AKAP6: variants seen among roughly 807,000 people sequenced by gnomAD.
AKAP6 encodes the protein A-kinase anchor protein 6.
Under a neutral mutation model 188.5 loss-of-function variants are expected in AKAP6, and 58 were observed. That is an observed-to-expected ratio of 0.31 (90% CI 0.25 to 0.38). AKAP6 has a LOEUF of 0.38. AKAP6 is among the 10% of genes least tolerant of loss of function. The pLI is 1.00. For synonymous variants in AKAP6, 989 were observed against 998.6 expected, an observed-to-expected ratio of 0.99 and a Z score of 0.18; for missense variants, 2,710 against 2,740.0, an observed-to-expected ratio of 0.99 and a Z score of 0.24.
At chr14:32,774,920 C>T (rs181957221) in intron 12 of AKAP6, among the ~76,000 whole-genome samples, 1 of 152,276 alleles carries the variant, frequency 6.6e-6, no homozygotes, top group East Asian at 1.9e-4. Context: ...AATATCTGCT[C>T]TTTGACGTGT....
intron 1 of AKAP6, among the ~76,000 whole-genome samples, chr14:32,347,075 T>C (rs1316071439): frequency 6.6e-6 from 1 of 152,208 alleles, no homozygotes; most frequent in Non-Finnish European, 1.5e-5. Flanking sequence ...TTGTTTTAGG[T>C]GCTCTAACTA....
At chr14:32,394,751 G>A (rs1888822874) in intron 1 of AKAP6, among the ~76,000 whole-genome samples, 1 of 152,082 alleles carries the variant, frequency 6.6e-6, no homozygotes, top group African/African-American at 2.4e-5. Flanking sequence ...AAAACATGTA[G>A]TTTTACCGTG....
At chr14:32,386,269 T>C (rs1373319296) in intron 1 of AKAP6, among the ~76,000 whole-genome samples, 1 of 152,056 alleles carries the variant, frequency 6.6e-6, no homozygotes, top group Non-Finnish European at 1.5e-5. Context: ...CCAACATCTA[T>C]TATTTTTTTA....
At chr14:32,713,934 T>G (rs902855974) in intron 9 of AKAP6, among the ~76,000 whole-genome samples, 1 of 152,094 alleles carries the variant, frequency 6.6e-6, no homozygotes, top group African/African-American at 2.4e-5. Context: ...GGCCTCGTTT[T>G]CAGACTATCT....
intron 2 of AKAP6, among the ~76,000 whole-genome samples, chr14:32,488,662 AG>A (rs1879832513): frequency 9.5e-5 from 2 of 21,000 alleles, no homozygotes; most frequent in South Asian, 8.8e-3. Flanking sequence ...CGGGTGGTGT[AG>A]GCACTGGAGG....
intron 11 of AKAP6, among the ~76,000 whole-genome samples, chr14:32,744,042 G>A (rs2031787588): frequency 6.6e-6 from 1 of 152,052 alleles, no homozygotes; most frequent in South Asian, 2.1e-4. Context: ...AGATATTTTT[G>A]CCAGATATAC....
intron 12 of AKAP6, among the ~76,000 whole-genome samples, chr14:32,803,323 A>G (rs2034004634): frequency 6.6e-6 from 1 of 152,104 alleles, no homozygotes; most frequent in African/African-American, 2.4e-5. Context: ...ACAAAGAATG[A>G]AAAGCAGATA....
intron 7 of AKAP6, among the ~76,000 whole-genome samples, chr14:32,610,959 G>A (rs763766196): frequency 5.3e-5 from 8 of 152,144 alleles, no homozygotes; most frequent in Non-Finnish European, 1.0e-4. Context: ...ATTGAATTTG[G>A]TCATAGAAAA....
At chr14:32,652,879 C>A (rs1265712855) in intron 7 of AKAP6, among the ~76,000 whole-genome samples, 1 of 151,974 alleles carries the variant, frequency 6.6e-6, no homozygotes, top group Non-Finnish European at 1.5e-5. Context: ...ACAGGGAGAC[C>A]CCATCTCTAC....
intron 2 of AKAP6, among the ~76,000 whole-genome samples, chr14:32,483,746 AG>A (rs1879499711): frequency 6.6e-6 from 1 of 152,050 alleles, no homozygotes; most frequent in Non-Finnish European, 1.5e-5. Context: ...AGCCTCCCAA[AG>A]TTCTGGGATT....
rs1891018525 is a variant in AKAP6 at position 32,453,637 on chromosome 14, C to G, written c.324+19820C>G. On this transcript the variant is annotated intron_variant, in intron 2 of 13. Transcript: ENST00000280979. ...TTTGAGACGGAGTCTCGTTCTGTCGCCCAGGCGGGAGTGCAGTGGCGCGAT... is the reference window on the plus strand; with the variant it reads ...TTTGAGACGGAGTCTCGTTCTGTCGGCCAGGCGGGAGTGCAGTGGCGCGAT... 1.8e-5 allele frequency among the ~76,000 whole-genome samples: 2 copies of G among 111,726 alleles called. 1 individual carries two copies. The highest frequency in any genetic ancestry group is 6.8e-5 in the African/African-American group (2 of 29,598). The allele number at this position is 111,726 out of a possible 152,430, so 73.3% of individuals were successfully genotyped here.
rs1325288022 is a variant in AKAP6 at position 32,546,848 on chromosome 14, G to A, written c.2195G>A (p.Gly732Asp). Reference protein sequence around the residue: ...SDEESSMPLAGMKKYADEKSE... With the variant: ...SDEESSMPLADMKKYADEKSE... ...GAGGAGTCCAGTATGCCTCTCGCTG[G>A]CATGAAAAAGTATGCTGATGAGAAG... is the stretch of plus-strand genomic sequence containing the variant. The change falls in exon 4 of 14, where the codon GGC (glycine) becomes GAC (aspartate). Residue 732 changes from glycine to aspartate, a missense_variant. Gly to Asp is a moderately conservative substitution (Grantham distance 94). Around this residue, in one of 2 missense-constraint regions of AKAP6, gnomAD observed 2,473 missense variants for 2,426.1 expected, o/e 1.02. Transcript: ENST00000280979. The A allele has an allele frequency of 1.2e-6, 2 of 1,614,050 alleles. No individual in the cohort carries two copies. The highest frequency in any genetic ancestry group is 3.3e-5 in the Admixed American group (2 of 60,012).
chr14:32,698,075 G>A (rs1371812185), intron 9 of AKAP6, among the ~76,000 whole-genome samples: 1 of 152,132 alleles, frequency 6.6e-6, no homozygotes, highest in Non-Finnish European at 1.5e-5. Flanking sequence ...AGAAAATGCT[G>A]CTAGTCTGTA....
rs181157313 is a variant in AKAP6 at position 32,370,185 on chromosome 14, A to G, written c.-35+40777A>G. On this transcript the variant is annotated intron_variant, in intron 1 of 13. Transcript: ENST00000280979. ...GGGTCAAAGTTCTGAAACACCTGCC[A>G]TCTGTCAAGAGGAGACCAGAAAGAC... Among the ~76,000 whole-genome samples the G allele has an allele frequency of 1.0e-3, 152 of 152,352 alleles. No individual in the cohort carries two copies. In the Middle Eastern group the frequency reaches 0.01, roughly 10 times the overall value.
At chr14:32,483,760 A>C (rs918137600) in intron 2 of AKAP6, among the ~76,000 whole-genome samples, 1 of 152,106 alleles carries the variant, frequency 6.6e-6, no homozygotes, top group African/African-American at 2.4e-5. Flanking sequence ...CTGGGATTAC[A>C]GGTGTGAGCC....
rs189202707 is a variant in AKAP6 at position 32,558,726 on chromosome 14, G to A, written c.2346+11727G>A. 3.8e-3 allele frequency among the ~76,000 whole-genome samples: 586 copies of A among 152,236 alleles called. 1 individual carries two copies. The highest frequency in any genetic ancestry group is 6.8e-3 in the Middle Eastern group (2 of 294). Reference sequence around the variant, plus strand: ...AGACAGTCGAGGGAAGATAGAGGTCGTCCTGAGGTCCAGGTTGCTTCTCCC... The same window carrying A: ...AGACAGTCGAGGGAAGATAGAGGTCATCCTGAGGTCCAGGTTGCTTCTCCC... On this transcript the variant is annotated intron_variant, in intron 4 of 13. Coordinates refer to ENST00000280979, the MANE Select transcript of AKAP6 (RefSeq NM_004274.5).
intron 4 of AKAP6, among the ~76,000 whole-genome samples, chr14:32,563,493 G>T (rs112649760): frequency 9.9e-5 from 15 of 152,120 alleles, no homozygotes; most frequent in South Asian, 2.1e-4. Flanking sequence ...AGTACTGTGG[G>T]GGGGGAAGGG....
chr14:32,738,162 G>T (rs1032064378), intron 11 of AKAP6, among the ~76,000 whole-genome samples: 1 of 152,068 alleles, frequency 6.6e-6, no homozygotes, highest in Non-Finnish European at 1.5e-5. Context: ...AGGCCAGCTG[G>T]CAAAGGGTCC....
rs573666313 is a variant in AKAP6, at chr14:32,822,948, C to T, written c.5135C>T (p.Pro1712Leu). The change falls in exon 13 of 14, where the codon CCG becomes CTG. Residue 1712 changes from proline to leucine, a missense_variant. Coordinates refer to ENST00000280979, the MANE Select transcript of AKAP6 (RefSeq NM_004274.5). Reference protein sequence around the residue: ...EDIVLHKNKIPESNASFRKRL... With the variant: ...EDIVLHKNKILESNASFRKRL... Reference sequence around the variant, plus strand: ...ATTGTGTTACACAAGAACAAGATCCCGGAATCGAATGCATCGTTCAGGAAG... The same window carrying T: ...ATTGTGTTACACAAGAACAAGATCCTGGAATCGAATGCATCGTTCAGGAAG... 4.8e-5 allele frequency: 78 copies of T among 1,613,724 alleles called. No homozygotes were observed. Among genetic ancestry groups the T allele is most frequent in the Admixed American group, 8.3e-5 (5 of 59,912 alleles).
Sources: allele counts gnomAD v4.1 joint callset (sites outside exome capture counted in the v4.1 genomes callset), GRCh38; gene constraint gnomAD v4.1.1; regional missense constraint gnomAD v4.1.1; transcripts MANE v1.5; gene names NCBI Gene and HGNC (gene_info 2026-07-23, HGNC 2026-07-21).